LIN9: variants seen among roughly 807,000 people sequenced by gnomAD.
LIN9 encodes protein lin-9 homolog.
A neutral mutation model predicts 78.0 loss-of-function variants in LIN9; 18 were observed. That is an observed-to-expected ratio of 0.23 (90% CI 0.16 to 0.34). LIN9 has a LOEUF of 0.34. LIN9 is among the 10% of genes least tolerant of loss of function. The pLI, the probability that LIN9 is intolerant of heterozygous loss-of-function variation, is 1.00. For synonymous variants in LIN9, 192 were observed against 215.2 expected, an observed-to-expected ratio of 0.89 and a Z score of 0.94; for missense variants, 451 against 644.1, an observed-to-expected ratio of 0.70 and a Z score of 3.25.
At chr1:226,291,958 T>C (rs911921648) in intron 4 of LIN9, among the ~76,000 whole-genome samples, 1 of 151,494 alleles carries the variant, frequency 6.6e-6, no homozygotes, top group African/African-American at 2.4e-5. Context: ...AAAGAAAAAA[T>C]TTATAAGTGA....
At chr1:226,295,107 G>A (rs985708645) in intron 4 of LIN9, among the ~76,000 whole-genome samples, 2 of 151,928 alleles carry the variant, frequency 1.3e-5, no homozygotes, top group South Asian at 4.2e-4. Context: ...AGCCCACTAT[G>A]AGTTTTTAAA....
At chr1:226,274,661 T>C (rs1195514159) in intron 7 of LIN9, among the ~76,000 whole-genome samples, 1 of 138,228 alleles carries the variant, frequency 7.2e-6, no homozygotes, top group African/African-American at 2.6e-5. Context: ...TGAGGGTCTA[T>C]TTTTTTTTTT....
intron 8 of LIN9, among the ~76,000 whole-genome samples, chr1:226,266,855 C>A (rs1022571601): frequency 3.8e-4 from 58 of 151,634 alleles, no homozygotes; most frequent in African/African-American, 1.3e-3. Flanking sequence ...TCTCGGATCA[C>A]TGCAGCCTCC....
intron 7 of LIN9, among the ~76,000 whole-genome samples, chr1:226,273,890 T>A (rs1576323265): frequency 6.7e-6 from 1 of 150,018 alleles, no homozygotes; most frequent in African/African-American, 2.5e-5. Flanking sequence ...CAGGCTGGAG[T>A]GCAGTGGCGC....
chr1:226,296,694 C>G (rs1662169131), intron 3 of LIN9, among the ~76,000 whole-genome samples: 1 of 152,066 alleles, frequency 6.6e-6, no homozygotes, highest in Non-Finnish European at 1.5e-5. Context: ...AACATATGGG[C>G]AACATCCACT....
intron 8 of LIN9, among the ~76,000 whole-genome samples, chr1:226,267,474 C>A (rs1660009618): frequency 6.9e-6 from 1 of 144,834 alleles, no homozygotes; most frequent in Non-Finnish European, 1.5e-5. Context: ...TAATAGGAAA[C>A]CAGATCTAGA....
At chr1:226,301,740 A>T (rs1026944925) in intron 1 of LIN9, among the ~76,000 whole-genome samples, 3 of 152,214 alleles carry the variant, frequency 2.0e-5, no homozygotes, top group Non-Finnish European at 4.4e-5. Context: ...GCTAGAATAA[A>T]GTTGGAGGGG....
intron 4 of LIN9, among the ~76,000 whole-genome samples, chr1:226,290,496 A>G (rs1661698430): frequency 3.3e-5 from 5 of 151,536 alleles, no homozygotes; most frequent in Admixed American, 2.6e-4. Context: ...GCCCGCCACC[A>G]CGCCCGGCTA....
chr1:226,247,162 TAG>T (rs1658536292), intron 11 of LIN9, among the ~76,000 whole-genome samples: 1 of 152,206 alleles, frequency 6.6e-6, no homozygotes, highest in South Asian at 2.1e-4. Context: ...TTTTGATTGC[TAG>T]AGTTTATAGT....
intron 1 of LIN9, among the ~76,000 whole-genome samples, chr1:226,302,920 G>A (rs372905985): frequency 2.6e-5 from 4 of 152,322 alleles, no homozygotes; most frequent in Non-Finnish European, 4.4e-5. Context: ...CCACAGGTCT[G>A]TGTAAGAGAC....
chr1:226,305,759 G>T (rs1408915543), intron 1 of LIN9, among the ~76,000 whole-genome samples: 2 of 152,162 alleles, frequency 1.3e-5, no homozygotes, highest in Non-Finnish European at 2.9e-5. Context: ...AAAACATAAA[G>T]CTGAGAGGTA....
intron 4 of LIN9, among the ~76,000 whole-genome samples, chr1:226,295,484 A>ATT (rs1011656605): frequency 1.3e-5 from 2 of 150,646 alleles, no homozygotes; most frequent in Non-Finnish European, 3.0e-5. Context: ...ATATATATAT[A>ATT]TTTTTTTCCT....
chr1:226,241,837 G>A lies in LIN9; in HGVS notation c.1120-2741C>T, dbSNP rs540561670. On this transcript the variant is annotated intron_variant, in intron 11 of 14. Transcript: ENST00000681046. Reference sequence around the variant, plus strand: ...CGCGCCACTGCACTCCAGCCTGGGCGACAGAGCGAGACTCTGTTTCAAAAA... The same window carrying A: ...CGCGCCACTGCACTCCAGCCTGGGCAACAGAGCGAGACTCTGTTTCAAAAA... Among the ~76,000 whole-genome samples, 29 of 151,206 alleles carry A rather than the reference G, an allele frequency of 1.9e-4. No individual in the cohort carries two copies. In the South Asian group the frequency reaches 4.8e-3, roughly 25 times the overall value.
intron 10 of LIN9, among the ~76,000 whole-genome samples, chr1:226,254,390 A>C (rs980205969): frequency 6.6e-6 from 1 of 152,250 alleles, no homozygotes; most frequent in Non-Finnish European, 1.5e-5. Flanking sequence ...AAAACCTCAC[A>C]TACTATAAAA....
At chr1:226,254,767 C>T (rs1392530662) in intron 10 of LIN9, among the ~76,000 whole-genome samples, 3 of 151,866 alleles carry the variant, frequency 2.0e-5, no homozygotes, top group Non-Finnish European at 4.4e-5. Context: ...AAAAATTAGC[C>T]GGGCGTAGTG....
chr1:226,306,797 G>A (rs1027428718), intron 1 of LIN9, among the ~76,000 whole-genome samples: 3 of 152,034 alleles, frequency 2.0e-5, no homozygotes, highest in South Asian at 2.1e-4. Context: ...AATTGAAATC[G>A]CTTTTCCTTT....
chr1:226,258,211 C>CAAAA (rs1659329155), intron 10 of LIN9, among the ~76,000 whole-genome samples: 3 of 127,922 alleles, frequency 2.3e-5, no homozygotes, highest in African/African-American at 5.7e-5. Context: ...AACAAACAAA[C>CAAAA]AAAACAGGGC....
rs184084857 is a variant in LIN9, at chr1:226,234,878, C to T, written c.1246-1355G>A. 3.5e-3 allele frequency among the ~76,000 whole-genome samples: 520 copies of T among 149,292 alleles called. 1 individual carries two copies. Among genetic ancestry groups the T allele is most frequent in the Non-Finnish European group, 6.4e-3 (433 of 67,602 alleles). On this transcript the variant is annotated intron_variant, in intron 12 of 14. Coordinates refer to ENST00000681046, the MANE Select transcript of LIN9 (RefSeq NM_001366245.2). Reference sequence around the variant, plus strand: ...CCTTCTTCAACAGTGAGAAACCTGGCTCGCGTTATCCTAAATTTTTTTTTT... The same window carrying T: ...CCTTCTTCAACAGTGAGAAACCTGGTTCGCGTTATCCTAAATTTTTTTTTT...
intron 10 of LIN9, among the ~76,000 whole-genome samples, chr1:226,251,493 G>T (rs866377435): frequency 2.0e-5 from 3 of 152,270 alleles, no homozygotes; most frequent in Middle Eastern, 3.4e-3. Flanking sequence ...CTCCCAAAGT[G>T]CTGGGATTAC....
Sources: gnomAD v4.1 joint callset for allele counts (sites outside exome capture counted in the v4.1 genomes callset) on GRCh38, gnomAD v4.1.1 for gene constraint, MANE v1.5 for transcripts, NCBI Gene and HGNC (gene_info 2026-07-23, HGNC 2026-07-21) for gene names.